Variants in RAD51B observed in about 807,000 individuals in gnomAD.
RAD51B encodes RAD51 paralog B.
Under a neutral mutation model 42.2 loss-of-function variants are expected in RAD51B, and 38 were observed. The observed-to-expected ratio is 0.90, with a 90% CI of 0.70 to 1.18. The LOEUF (loss-of-function observed/expected upper bound fraction) is 1.18, where lower values mean the gene tolerates loss of function less well. Ranked by LOEUF, RAD51B falls within the 50% of genes most tolerant of loss-of-function variation. The probability of loss-of-function intolerance (pLI) is 0.00; values close to 1 mark genes in which losing one functional copy is unlikely to be tolerated. For synonymous variants in RAD51B, 154 were observed against 145.2 expected (o/e 1.06, Z -0.43); for missense variants, 373 against 400.7 (o/e 0.93, Z 0.59).
chr14:68,626,625 G>T (rs1052337477), intron 10 of RAD51B, among the ~76,000 whole-genome samples: 6 of 152,198 alleles, frequency 3.9e-5, no homozygotes, highest in African/African-American at 1.4e-4. Context: ...ACTATTTCTG[G>T]CCTCACTCTG....
chr14:68,004,147 G>A lies in RAD51B; in HGVS notation c.756+116943G>A, dbSNP rs368551526. 3.4e-4 allele frequency among the ~76,000 whole-genome samples: 51 copies of A among 151,978 alleles called. No homozygotes were observed. The East Asian group carries it at 7.5e-3, about 22-fold the overall frequency. ...AGATCAAGACCATCCTGGCTGACAC[G>A]GTGAAACCCTGTCTCTACTAAAAAT... On this transcript the variant is annotated intron_variant, in intron 7 of 10. Transcript: ENST00000471583.
intron 9 of RAD51B, among the ~76,000 whole-genome samples, chr14:68,418,460 A>G (rs184956518): frequency 6.6e-6 from 1 of 152,120 alleles, no homozygotes; most frequent in African/African-American, 2.4e-5. Context: ...GACTTATTTT[A>G]TTTTTATATG....
chr14:68,286,449 T>G (rs1246305736), intron 7 of RAD51B, among the ~76,000 whole-genome samples: 1 of 152,200 alleles, frequency 6.6e-6, no homozygotes, highest in African/African-American at 2.4e-5. Context: ...TCCAACCTAT[T>G]CTATCCCTGG....
rs924815931 is a variant in RAD51B, at chr14:68,556,010, A to G, written c.1037-38475A>G. Among the ~76,000 whole-genome samples the G allele has an allele frequency of 2.6e-5, 4 of 152,270 alleles. No homozygotes were observed. The East Asian group carries it at 5.8e-4, about 22-fold the overall frequency. On this transcript the variant is annotated intron_variant, in intron 10 of 10. Transcript: ENST00000487270. ...ATGTGCTGAGCACAAAACATTTGAC[A>G]TAGAAGGGAAGAGAAGAAGGGAATC...
chr14:68,137,304 G>A (rs987838675), intron 7 of RAD51B, among the ~76,000 whole-genome samples: 4 of 152,156 alleles, frequency 2.6e-5, no homozygotes, highest in Non-Finnish European at 5.9e-5. Flanking sequence ...TACAAGCTGT[G>A]TGTAACTTTG....
At chr14:68,222,367 G>A (rs1024476471) in intron 7 of RAD51B, among the ~76,000 whole-genome samples, 2 of 152,184 alleles carry the variant, frequency 1.3e-5, no homozygotes, top group Non-Finnish European at 2.9e-5. Flanking sequence ...TGAAATAACG[G>A]CATTCACAGC....
intron 8 of RAD51B, among the ~76,000 whole-genome samples, chr14:68,330,896 A>G (rs1350270334): frequency 6.6e-6 from 1 of 152,174 alleles, no homozygotes; most frequent in East Asian, 1.9e-4. Context: ...TCCATATGGA[A>G]TCAGGAGCAT....
downstream of RAD51B, among the ~76,000 whole-genome samples, chr14:68,480,814 G>C (rs1031884097): frequency 6.6e-6 from 1 of 152,186 alleles, no homozygotes; most frequent in Non-Finnish European, 1.5e-5. Context: ...TTTTCTCCCT[G>C]TTGGGGCATG....
chr14:68,658,984 GC>G (rs1465584237), intron 11 of RAD51B, among the ~76,000 whole-genome samples: 2 of 152,212 alleles, frequency 1.3e-5, no homozygotes, highest in Non-Finnish European at 2.9e-5. Flanking sequence ...GGAGAGAGGG[GC>G]GGGAGGGAGG....
intron 7 of RAD51B, among the ~76,000 whole-genome samples, chr14:68,206,890 T>C (rs933292759): frequency 2.6e-5 from 4 of 151,270 alleles, no homozygotes; most frequent in South Asian, 2.1e-4. Flanking sequence ...CCCGGGTTCA[T>C]GCCATTCTCC....
At chr14:67,924,252 C>T (rs1373330163) in intron 7 of RAD51B, among the ~76,000 whole-genome samples, 2 of 151,950 alleles carry the variant, frequency 1.3e-5, no homozygotes, top group Non-Finnish European at 2.9e-5. Context: ...ATCTATTTAT[C>T]CTTGTTTTAG....
At chr14:68,543,561 C>T (rs935469717) in intron 10 of RAD51B, among the ~76,000 whole-genome samples, 6 of 152,086 alleles carry the variant, frequency 3.9e-5, no homozygotes, top group Non-Finnish European at 8.8e-5. Flanking sequence ...TATAAAAATA[C>T]AAATTAATGA....
chr14:68,165,893 A>G (rs551512884), intron 7 of RAD51B, among the ~76,000 whole-genome samples: 71 of 152,300 alleles, frequency 4.7e-4, no homozygotes, highest in Admixed American at 1.2e-3. Flanking sequence ...ATAGTACATA[A>G]AAGAAATAGC....
At chr14:68,036,035 T>C (rs1595295427) in intron 7 of RAD51B, among the ~76,000 whole-genome samples, 1 of 152,358 alleles carries the variant, frequency 6.6e-6, no homozygotes, top group Admixed American at 6.5e-5. Context: ...TTCCCTGTTA[T>C]CCGTGGTTTA....
chr14:68,421,399 T>C (rs1280371631), intron 9 of RAD51B, among the ~76,000 whole-genome samples: 2 of 152,096 alleles, frequency 1.3e-5, no homozygotes, highest in Non-Finnish European at 2.9e-5. Context: ...ACAATGCTAG[T>C]TTTCATTTCA....
At chr14:68,344,429 C>G (rs144527566) in intron 8 of RAD51B, among the ~76,000 whole-genome samples, 1 of 151,990 alleles carries the variant, frequency 6.6e-6, no homozygotes. Context: ...GGGTGGATCA[C>G]GAGGTCAGGA....
At chr14:68,010,119 A>C (rs1325319104) in intron 7 of RAD51B, among the ~76,000 whole-genome samples, 2 of 151,870 alleles carry the variant, frequency 1.3e-5, no homozygotes, top group Admixed American at 6.6e-5. Context: ...TGCTATTATC[A>C]TTTCATTCTT....
intron 7 of RAD51B, among the ~76,000 whole-genome samples, chr14:68,207,946 T>C (rs1283383425): frequency 6.6e-6 from 1 of 152,174 alleles, no homozygotes; most frequent in African/African-American, 2.4e-5. Flanking sequence ...TCTTAACCTT[T>C]TAAATGTGTT....
chr14:68,367,366 G>A (rs574111125), intron 8 of RAD51B, among the ~76,000 whole-genome samples: 33 of 152,278 alleles, frequency 2.2e-4, no homozygotes, highest in African/African-American at 7.0e-4. Flanking sequence ...ACAGACTTAC[G>A]TATTTATGTG....
Sources: allele counts gnomAD v4.1 joint callset (sites outside exome capture counted in the v4.1 genomes callset), GRCh38; gene constraint gnomAD v4.1.1; transcripts MANE v1.5; gene names NCBI Gene and HGNC (gene_info 2026-07-23, HGNC 2026-07-21).